The following C5orf34 variants were observed in gnomAD, a reference collection of about 807,000 sequenced individuals.
The protein encoded by C5orf34 is chromosome 5 open reading frame 34.
In C5orf34, 73 loss-of-function variants were observed where a neutral mutation model predicts 78.4. That is an observed-to-expected ratio of 0.93 (90% CI 0.77 to 1.13). C5orf34 has a LOEUF of 1.13. Ranked by LOEUF, C5orf34 falls within the 50% of genes most tolerant of loss-of-function variation. C5orf34 has a pLI of 0.00. For missense variants in C5orf34, 730 were observed against 732.7 expected (o/e 1.00, Z 0.04); for synonymous variants, 251 against 246.6 (o/e 1.02, Z -0.17).
chr5:43,495,442 G>A (rs1745463306), intron 6 of C5orf34: 2 of 1,611,088 alleles, frequency 1.2e-6, no homozygotes, highest in East Asian at 4.5e-5. Context: ...GAGCAATGAA[G>A]TCAGCTGTTT....
intron 4 of C5orf34, among the ~76,000 whole-genome samples, chr5:43,504,243 G>A (rs1022549130): frequency 1.3e-5 from 2 of 151,390 alleles, no homozygotes; most frequent in Middle Eastern, 3.4e-3. Context: ...GGAGGCGGAG[G>A]TTGCAGTGAG....
intron 11 of C5orf34, 126 bp from the exon 12 acceptor site, chr5:43,488,075 CTT>C: frequency 3.0e-6 from 2 of 657,036 alleles, no homozygotes; most frequent in Non-Finnish European, 5.2e-6. Flanking sequence ...GAAGAATTCT[CTT>C]TATGTTACCT....
chr5:43,509,271 G>T lies in C5orf34; in HGVS notation c.69C>A (p.Ser23=), dbSNP rs1561217440. The change falls in exon 2 of 13, where the codon TCC becomes TCA. Residue 23 remains serine (S), a synonymous_variant. Transcript: ENST00000306862. ...AGCCACAGGGAGAAAGTTGCAATGT[G>T]GAACCATCAACATATTGTACTTGTA... ...DSVQVQYVDG[S]TLQLSPCGSE... 1 of 1,614,026 alleles carries T rather than the reference G, an allele frequency of 6.2e-7. No homozygotes were observed. Among genetic ancestry groups the T allele is most frequent in the Non-Finnish European group, 8.5e-7 (1 of 1,179,910 alleles).
At chr5:43,495,882 T>C (rs1745496241) in intron 6 of C5orf34, 3 of 1,594,346 alleles carry the variant, frequency 1.9e-6, no homozygotes, top group Non-Finnish European at 2.6e-6. Context: ...CAACCAGAAA[T>C]TGGCACAAAT....
chr5:43,514,445 G>C (rs372278076), intron 1 of C5orf34, among the ~76,000 whole-genome samples: 1 of 152,118 alleles, frequency 6.6e-6, no homozygotes, highest in African/African-American at 2.4e-5. Context: ...GACATTTTCT[G>C]ATTCCAATTT....
intron 12 of C5orf34, 43 bp downstream of exon 12, chr5:43,487,862 TGAAA>T: frequency 1.4e-6 from 2 of 1,396,016 alleles, no homozygotes; most frequent in African/African-American, 1.4e-5. Flanking sequence ...AAGCCTAGAA[TGAAA>T]GAGAGTAATT....
intron 6 of C5orf34, 28 bp from the exon 7 acceptor site, chr5:43,494,629 C>A (rs377319549): frequency 4.9e-4 from 703 of 1,437,178 alleles, no homozygotes; most frequent in Non-Finnish European, 6.6e-4. Flanking sequence ...TGAAAAATTT[C>A]ATTAATAATA....
At chr5:43,511,488 T>C (rs1746257119) in intron 1 of C5orf34, among the ~76,000 whole-genome samples, 1 of 152,020 alleles carries the variant, frequency 6.6e-6, no homozygotes, top group African/African-American at 2.4e-5. Flanking sequence ...TTCTGGGAAG[T>C]GAGGAGCCCC....
Position 43,506,272 on chromosome 5 carries a change from C to A in C5orf34, c.408G>T (p.Leu136=), listed in dbSNP as rs772973947. ...CTGTAAATTCATGCTGAGATCTGGG[C>A]AGGCAGAGGTATGCATGACCATCTA... ...TSLDGHAYLC[L]PRSQHEFTVH... is the part of the protein sequence containing the mutation. Residue 136 remains leucine, a synonymous_variant, in exon 4 of 13, where the codon CTG becomes CTT. Coordinates refer to ENST00000306862, the MANE Select transcript of C5orf34 (RefSeq NM_198566.4). 1.9e-6 allele frequency: 3 copies of A among 1,614,022 alleles called. No homozygotes were observed. Among genetic ancestry groups the A allele is most frequent in the African/African-American group, 2.7e-5 (2 of 74,910 alleles).
rs771489919 is a variant in C5orf34, at chr5:43,509,257, G to A, written c.83C>T (p.Ser28Phe). 1 of 1,614,024 alleles carries A rather than the reference G, an allele frequency of 6.2e-7. No homozygotes were observed. The highest frequency in any genetic ancestry group is 8.5e-7 in the Non-Finnish European group (1 of 1,179,874). Residue 28 changes from serine (S) to phenylalanine (F), a missense_variant, in exon 2 of 13, where the codon TCT (serine) becomes TTT (phenylalanine). Physicochemically the swap from Ser to Phe is radical, Grantham distance 155. Transcript: ENST00000306862. ...AAATAAAAATTCAGAGCCACAGGGAGAAAGTTGCAATGTGGAACCATCAAC... is the reference window on the plus strand; with the variant it reads ...AAATAAAAATTCAGAGCCACAGGGAAAAAGTTGCAATGTGGAACCATCAAC... Reference protein sequence around the residue: ...QYVDGSTLQLSPCGSEFLFEK... With the variant: ...QYVDGSTLQLFPCGSEFLFEK...
chr5:43,505,083 T>A (rs1579874514), intron 4 of C5orf34, among the ~76,000 whole-genome samples: 1 of 152,232 alleles, frequency 6.6e-6, no homozygotes, highest in African/African-American at 2.4e-5. Flanking sequence ...ACGGGTGAAG[T>A]CCAACAGTAC....
chr5:43,514,314 G>T (rs1260225965), intron 1 of C5orf34: 1 of 152,058 alleles, frequency 6.6e-6, no homozygotes, highest in Non-Finnish European at 1.5e-5. Context: ...TACATCACCT[G>T]TTTACGTACT....
intron 1 of C5orf34, 32 bp from the exon 2 acceptor site, chr5:43,509,407 T>C (rs560252724): frequency 3.1e-6 from 4 of 1,279,918 alleles, no homozygotes; most frequent in Middle Eastern, 2.1e-4. Context: ...ACAGCATAAA[T>C]AGTTCTCTTA....
At chr5:43,502,264 G>T in intron 6 of C5orf34, 108 bp downstream of exon 6, 1 of 1,059,740 alleles carries the variant, frequency 9.4e-7, no homozygotes, top group Non-Finnish European at 1.4e-6. Context: ...AGACTGGGGA[G>T]TAGGAAGCAA....
chr5:43,507,581 T>G (rs1309934970), intron 3 of C5orf34, among the ~76,000 whole-genome samples: 2 of 152,210 alleles, frequency 1.3e-5, no homozygotes, highest in East Asian at 3.8e-4. Flanking sequence ...TTATAATTTT[T>G]TATGGCTCCT....
chr5:43,495,221 C>T (rs747738808), intron 6 of C5orf34: 1 of 1,610,022 alleles, frequency 6.2e-7, no homozygotes, highest in Non-Finnish European at 8.5e-7. Flanking sequence ...GTCTGAGAAG[C>T]TCTCAACAAT....
intron 11 of C5orf34, chr5:43,488,433 T>G (rs1420204754): frequency 6.5e-6 from 1 of 153,020 alleles, no homozygotes; most frequent in Non-Finnish European, 1.5e-5. Context: ...CTACCTAGAT[T>G]GTTTCTCTCA....
intron 12 of C5orf34, among the ~76,000 whole-genome samples, chr5:43,487,624 T>C (rs1023888021): frequency 6.6e-6 from 1 of 152,104 alleles, no homozygotes; most frequent in African/African-American, 2.4e-5. Flanking sequence ...ACAGTTATAA[T>C]TTTATTATAT....
rs1745243251 is a variant in C5orf34 at position 43,490,647 on chromosome 5, CAG to C, written c.1661_1662del (p.Ser554CysfsTer11). 6.2e-7 allele frequency: 1 copy of C among 1,605,194 alleles called. No homozygotes were observed. The highest frequency in any genetic ancestry group is 8.5e-7 in the Non-Finnish European group (1 of 1,172,434). ...GAAAAATACCAATTTTCTTGGAGAA[CAG>C]AAGATGACGAATGAGTGGGCATCTC... ...PREMPTHSSS[S>X]VLQENWSVAS... On this transcript the variant is annotated frameshift_variant, in exon 11 of 13. Transcript: ENST00000306862. LOFTEE classifies it high-confidence loss of function.
Sources: gnomAD v4.1 joint callset for allele counts (sites outside exome capture counted in the v4.1 genomes callset) on GRCh38, gnomAD v4.1.1 for gene constraint, MANE v1.5 for transcripts, NCBI Gene and HGNC (gene_info 2026-07-23, HGNC 2026-07-21) for gene names.